The following TEKT3 variants were observed in gnomAD, a reference collection of about 807,000 sequenced individuals.
TEKT3 encodes tektin-3.
A neutral mutation model predicts 49.8 loss-of-function variants in TEKT3; 49 were observed. The ratio of observed to expected loss-of-function variants is 0.98; its 90% CI spans 0.78 to 1.25. TEKT3 has a LOEUF of 1.25. Ranked by LOEUF, TEKT3 falls within the 50% of genes most tolerant of loss-of-function variation. The pLI is 0.00. For missense variants in TEKT3, 595 were observed against 629.5 expected, an observed-to-expected ratio of 0.95 and a Z score of 0.59; for synonymous variants, 225 against 237.2, an observed-to-expected ratio of 0.95 and a Z score of 0.47.
chr17:15,322,808 C>A (rs991234802), intron 4 of TEKT3, among the ~76,000 whole-genome samples: 1 of 152,192 alleles, frequency 6.6e-6, no homozygotes, highest in African/African-American at 2.4e-5. Context: ...CAAATACCAC[C>A]TATAGGTGCA....
intron 4 of TEKT3, 50 bp downstream of exon 4, chr17:15,327,942 T>C (rs758717365): frequency 2.0e-6 from 3 of 1,518,598 alleles, no homozygotes; most frequent in Non-Finnish European, 1.8e-6. Flanking sequence ...ATATTCAACA[T>C]ACATTTACAA....
At chr17:15,338,772 T>C (rs939980533) in intron 2 of TEKT3, among the ~76,000 whole-genome samples, 1 of 144,828 alleles carries the variant, frequency 6.9e-6, no homozygotes, top group Non-Finnish European at 1.5e-5. Context: ...AGCCTCGGCC[T>C]CCCAAAGTGT....
chr17:15,313,262 C>T (rs1910846033), intron 6 of TEKT3, among the ~76,000 whole-genome samples: 1 of 152,148 alleles, frequency 6.6e-6, no homozygotes, highest in Admixed American at 6.5e-5. Context: ...AAAAATCAGA[C>T]AGGCTATATT....
chr17:15,336,103 T>TACAC (rs58983355), intron 2 of TEKT3, among the ~76,000 whole-genome samples: 15 of 149,132 alleles, frequency 1.0e-4, no homozygotes, highest in East Asian at 7.8e-4. Context: ...ACTCCAAGAA[T>TACAC]ACACACACAC....
Position 15,331,225 on chromosome 17 carries a change from T to G in TEKT3, c.361A>C (p.Arg121=). ...TGAATCAGGCGAGATGTATCCACTC[T>G]TAGTTTCTCCGAATTATGTCGGGAA... ...NTSRHNSEKL[R]VDTSRLIQDK... Residue 121 remains arginine (R), a synonymous_variant, in exon 3 of 9, where the codon AGA becomes CGA. Coordinates refer to ENST00000395930, the MANE Select transcript of TEKT3 (RefSeq NM_031898.3). 1.2e-6 allele frequency: 2 copies of G among 1,614,244 alleles called. No individual in the cohort carries two copies. The highest frequency in any genetic ancestry group is 2.2e-5 in the South Asian group (2 of 91,088).
chr17:15,314,089 T>A lies in TEKT3; in HGVS notation c.876A>T (p.Ala292=). Residue 292 remains alanine (A), a splice_region_variant and synonymous_variant, in exon 6 of 9, where the codon GCA becomes GCT. Coordinates refer to ENST00000395930, the MANE Select transcript of TEKT3 (RefSeq NM_031898.3). Reference sequence around the variant, plus strand: ...GCCGTGGCGTGTGCCTGACTTACGTTGCATCGACCCTCTCCACTCCGCGGA... The same window carrying A: ...GCCGTGGCGTGTGCCTGACTTACGTAGCATCGACCCTCTCCACTCCGCGGA... ...GYFRGVERVD[A]TVSVPESWAK... 6.2e-7 allele frequency: 1 copy of A among 1,614,196 alleles called. No individual in the cohort carries two copies. Among genetic ancestry groups the A allele is most frequent in the Non-Finnish European group, 8.5e-7 (1 of 1,180,034 alleles).
intron 8 of TEKT3, among the ~76,000 whole-genome samples, chr17:15,306,121 G>A (rs1226125645): frequency 6.6e-6 from 1 of 151,026 alleles, no homozygotes; most frequent in Non-Finnish European, 1.5e-5. Context: ...GTGTGTGTGT[G>A]TGTGTGTGCA....
chr17:15,313,380 G>T (rs1279930245), intron 6 of TEKT3, among the ~76,000 whole-genome samples: 1 of 152,190 alleles, frequency 6.6e-6, no homozygotes, highest in Non-Finnish European at 1.5e-5. Context: ...CAGGGGCCTG[G>T]CAAAGAAACC....
At chr17:15,326,507 A>G (rs2150746807) in intron 4 of TEKT3, among the ~76,000 whole-genome samples, 1 of 152,278 alleles carries the variant, frequency 6.6e-6, no homozygotes, top group East Asian at 1.9e-4. Flanking sequence ...TGGGGAAGGA[A>G]AGGTGCTTTG....
chr17:15,331,492 T>C lies in TEKT3; in HGVS notation c.94A>G (p.Ser32Gly). 1 of 1,614,092 alleles carries C rather than the reference T, an allele frequency of 6.2e-7. No homozygotes were observed. The highest frequency in any genetic ancestry group is 1.1e-5 in the South Asian group (1 of 91,066). ...FLPAISTMAS[S>G]YRDRFPHSNL... ...GAGTGGGGAAAGCGGTCCCTGTAGC[T>C]TGAGGCCATGGTACTGATGGCTGGT... The change falls in exon 3 of 9, where the codon AGC becomes GGC. Residue 32 changes from serine to glycine, a missense_variant. Ser to Gly is a moderately conservative substitution (Grantham distance 56). Coordinates refer to ENST00000395930, the MANE Select transcript of TEKT3 (RefSeq NM_031898.3).
intron 2 of TEKT3, among the ~76,000 whole-genome samples, chr17:15,337,667 C>T (rs2150755378): frequency 6.6e-6 from 1 of 152,186 alleles, no homozygotes; most frequent in Non-Finnish European, 1.5e-5. Flanking sequence ...GATGGTGAAA[C>T]CCCAACTCCA....
At chr17:15,339,398 C>T (rs1413229965) in intron 2 of TEKT3, among the ~76,000 whole-genome samples, 3 of 152,116 alleles carry the variant, frequency 2.0e-5, no homozygotes, top group Admixed American at 2.0e-4. Context: ...GAGACATGGG[C>T]TACAAAGTCA....
chr17:15,317,448 C>T lies in TEKT3; in HGVS notation c.734+1629G>A, dbSNP rs533921612. Among the ~76,000 whole-genome samples the T allele has an allele frequency of 4.6e-5, 7 of 152,244 alleles. No individual in the cohort carries two copies. The East Asian group carries it at 9.7e-4, about 21-fold the overall frequency. The stretch of plus-strand genomic sequence containing the variant: ...TAAAATTCCTGGGGAGCAGAAACCA[C>T]GTACAGTCATCCTTAACTACTCTTT... On this transcript the variant is annotated intron_variant, in intron 5 of 8. Coordinates refer to ENST00000395930, the MANE Select transcript of TEKT3 (RefSeq NM_031898.3).
upstream of TEKT3, among the ~76,000 whole-genome samples, chr17:15,342,143 C>T (rs570800017): frequency 2.6e-5 from 4 of 152,158 alleles, no homozygotes; most frequent in African/African-American, 9.7e-5. Context: ...AACAGCAGCC[C>T]GTACTGTTTC....
chr17:15,318,837 G>T (rs544883957), intron 5 of TEKT3, among the ~76,000 whole-genome samples: 1 of 152,152 alleles, frequency 6.6e-6, no homozygotes, highest in East Asian at 1.9e-4. Context: ...AATGTTTATG[G>T]GTACATAATG....
intron 8 of TEKT3, among the ~76,000 whole-genome samples, chr17:15,307,584 T>C (rs1910604697): frequency 6.6e-6 from 1 of 152,238 alleles, no homozygotes; most frequent in Non-Finnish European, 1.5e-5. Context: ...AATGTTGGCC[T>C]CACAAGATCC....
At chr17:15,342,384 G>T (rs1238801115), upstream of TEKT3, among the ~76,000 whole-genome samples, 2 of 152,194 alleles carry the variant, frequency 1.3e-5, no homozygotes, top group East Asian at 3.9e-4. Context: ...AGCAGCAAGA[G>T]AATTCACCGA....
At chr17:15,339,455 T>C (rs1480864963) in intron 2 of TEKT3, among the ~76,000 whole-genome samples, 1 of 152,294 alleles carries the variant, frequency 6.6e-6, no homozygotes, top group East Asian at 1.9e-4. Flanking sequence ...CAACTGTTAT[T>C]TACATACTGA....
chr17:15,330,262 CA>C (rs1483501172), intron 3 of TEKT3, among the ~76,000 whole-genome samples: 4 of 152,082 alleles, frequency 2.6e-5, no homozygotes, highest in Admixed American at 1.3e-4. Flanking sequence ...TTAGTGACAG[CA>C]ATGATGAAGC....
Sources: allele counts gnomAD v4.1 joint callset (sites outside exome capture counted in the v4.1 genomes callset), GRCh38; gene constraint gnomAD v4.1.1; transcripts MANE v1.5; gene names NCBI Gene and HGNC (gene_info 2026-07-23, HGNC 2026-07-21).